The following GIPC1 variants were observed in gnomAD, a reference collection of about 807,000 sequenced individuals.
The protein encoded by GIPC1 is PDZ domain-containing protein GIPC1.
GIPC1 carries 15 observed loss-of-function variants against 28.5 expected under a neutral mutation model. The ratio of observed to expected loss-of-function variants is 0.53; its 90% CI spans 0.35 to 0.81. The LOEUF is 0.81. Among genes scored for constraint, GIPC1 ranks in the 30% least tolerant of loss-of-function variants. The probability of loss-of-function intolerance (pLI) is 0.01; values close to 1 mark genes in which losing one functional copy is unlikely to be tolerated. For synonymous variants in GIPC1, 224 were observed against 206.1 expected (o/e 1.09, Z -0.74); for missense variants, 439 against 481.9 (o/e 0.91, Z 0.83).
At chr19:14,484,214 A>C (rs1205781110) in intron 3 of GIPC1, among the ~76,000 whole-genome samples, 1 of 149,194 alleles carries the variant, frequency 6.7e-6, no homozygotes, top group Non-Finnish European at 1.5e-5. Flanking sequence ...CACTCACTGC[A>C]ATCTCTTGCC....
intron 1 of GIPC1, among the ~76,000 whole-genome samples, chr19:14,494,749 G>A (rs2072041210): frequency 1.3e-5 from 2 of 152,196 alleles, no homozygotes; most frequent in South Asian, 4.2e-4. Context: ...CCTGCTGTGC[G>A]GTTGCCAACT....
chr19:14,488,333 C>T (rs140321767), intron 3 of GIPC1, among the ~76,000 whole-genome samples: 2,117 of 152,058 alleles, frequency 0.014, 33 homozygotes, highest in Non-Finnish European at 0.02. Flanking sequence ...CACCTGTGAT[C>T]CCAGCTACTC....
In GIPC1 at chr19:14,477,799, T is replaced by A. The variant is rs1325729259; in HGVS notation, c.*617A>T. 6.6e-6 allele frequency: 1 copy of A among 152,654 alleles called. No homozygotes were observed. 9.5% of individuals were successfully genotyped at this position (152,654 alleles called of 1,614,324 possible). A position where few individuals can be genotyped will look rare whatever the true frequency, so the allele number is the denominator to read the frequency against. On this transcript the variant is annotated 3_prime_UTR_variant, in exon 9 of 9. Coordinates refer to ENST00000393033, the MANE Select transcript of GIPC1 (RefSeq NM_005716.4). ...ATTCTTTATGTTCAAGACAGCAAAT[T>A]CAGATACAAAAACCCACCGCCATCG...
In GIPC1 at chr19:14,478,428, G is replaced by A. The variant is rs140379269; in HGVS notation, c.990C>T (p.Val330=). The part of the protein sequence containing the change: ...DVWGAIGDAK[V]GRY ...TCCGGGGGCAGTCCTAGTAGCGGCC[G>A]ACCTTGGCGTCCCCAATGGCGCCCC... Residue 330 remains valine (V), a synonymous_variant, in exon 9 of 9, where the codon GTC becomes GTT. Transcript: ENST00000393033. This position sits in a 1 kb window ranked among gnomAD's most constrained non-coding sequence, Gnocchi z 5.2. The A allele has an allele frequency of 1.0e-4, 168 of 1,609,434 alleles. No homozygotes were observed. The African/African-American group carries it at 1.7e-3, about 17-fold the overall frequency.
At chr19:14,491,281 T>C (rs1568368769) in intron 3 of GIPC1, among the ~76,000 whole-genome samples, 1 of 151,692 alleles carries the variant, frequency 6.6e-6, no homozygotes, top group Admixed American at 6.6e-5. Context: ...TTTTTTGAGA[T>C]GAACTCTCAC....
chr19:14,480,285 TC>T lies in GIPC1; in HGVS notation c.655+19del. On this transcript the variant is annotated intron_variant, in intron 6 of 8. Coordinates refer to ENST00000393033, the MANE Select transcript of GIPC1 (RefSeq NM_005716.4). ...CATGCGAGCAGCGCCACTGGGGAGG[TC>T]CAGGGGGCGGCTCCTCACCGAAGGC... The T allele has an allele frequency of 6.2e-7, 1 of 1,602,222 alleles. No individual in the cohort carries two copies. Among genetic ancestry groups the T allele is most frequent in the South Asian group, 1.1e-5 (1 of 90,856 alleles).
chr19:14,483,945 C>T (rs939649854), intron 3 of GIPC1, among the ~76,000 whole-genome samples: 11 of 151,764 alleles, frequency 7.2e-5, no homozygotes, highest in African/African-American at 2.7e-4. Flanking sequence ...GGGATCCTCA[C>T]ACCTCAGTCT....
At position 14,482,886 on chromosome 19, in the gene GIPC1, C is replaced by T; in HGVS notation, c.91G>A (p.Glu31Lys). The T allele has an allele frequency of 6.3e-7, 1 of 1,589,054 alleles. No homozygotes were observed. The highest frequency in any genetic ancestry group is 8.6e-7 in the Non-Finnish European group (1 of 1,168,306). Reference sequence around the variant, plus strand: ...CCACCTCCGCCCAGAGGCCCTGGCTCCCCCACGCCCAGCCCTCCACGGCCT... The same window carrying T: ...CCACCTCCGCCCAGAGGCCCTGGCTTCCCCACGCCCAGCCCTCCACGGCCT... Reference protein sequence around the residue: ...EPGRGGLGVGEPGPLGGGGSG... With the variant: ...EPGRGGLGVGKPGPLGGGGSG... Residue 31 changes from glutamate (E) to lysine (K), a missense_variant, in exon 4 of 9, where the codon GAG becomes AAG. Physicochemically the swap from Glu to Lys is moderately conservative, Grantham distance 56. Coordinates refer to ENST00000393033, the MANE Select transcript of GIPC1 (RefSeq NM_005716.4).
Position 14,480,623 on chromosome 19 carries a change from C to G in GIPC1, c.444G>C (p.Thr148=). The G allele has an allele frequency of 1.2e-6, 2 of 1,614,176 alleles. No individual in the cohort carries two copies. Among genetic ancestry groups the G allele is most frequent in the Non-Finnish European group, 1.7e-6 (2 of 1,180,000 alleles). The change falls in exon 5 of 9, where the codon ACG becomes ACC. Residue 148 remains threonine, a synonymous_variant. Coordinates refer to ENST00000393033, the MANE Select transcript of GIPC1 (RefSeq NM_005716.4). Reference sequence around the variant, plus strand: ...TGAAGGCGTAGCCAGCCCCGTTGTCCGTGATGGTGAGCCCGAGTGCATCCT... The same window carrying G: ...TGAAGGCGTAGCCAGCCCCGTTGTCGGTGATGGTGAGCCCGAGTGCATCCT... ...KSEDALGLTI[T]DNGAGYAFIK...
chr19:14,480,353 G>T lies in GIPC1; in HGVS notation c.607C>A (p.Arg203=). The change falls in exon 6 of 9, where the codon CGA becomes AGA. Residue 203 remains arginine (R), a synonymous_variant. Transcript: ENST00000393033. ...EVARLLKELP[R]GRTFTLKLTE... ...AGCTTCAGCGTGAAGGTACGGCCTC[G>T]GGGCAGCTCCTTGAGCAGCCGGGCC... The T allele has an allele frequency of 6.2e-7, 1 of 1,612,082 alleles. No homozygotes were observed.
chr19:14,495,640 G>C lies in GIPC1; in HGVS notation c.-175+397C>G, dbSNP rs919263105. Among the ~76,000 whole-genome samples the C allele has an allele frequency of 3.0e-4, 45 of 152,088 alleles. 1 individual carries two copies. Among genetic ancestry groups the C allele is most frequent in the African/African-American group, 1.0e-3 (43 of 41,396 alleles). Reference sequence around the variant, plus strand: ...TTTCATGACGATTATTATTCAGACCGTGGTCCTCACTGCGTCCCCCCCAAG... The same window carrying C: ...TTTCATGACGATTATTATTCAGACCCTGGTCCTCACTGCGTCCCCCCCAAG... On this transcript the variant is annotated intron_variant, in intron 1 of 8. Coordinates refer to ENST00000393033, the MANE Select transcript of GIPC1 (RefSeq NM_005716.4).
intron 3 of GIPC1, among the ~76,000 whole-genome samples, chr19:14,484,010 T>C (rs1429814683): frequency 6.6e-6 from 1 of 152,124 alleles, no homozygotes; most frequent in South Asian, 2.1e-4. Flanking sequence ...ACCTTTATTT[T>C]ATTTTTTTGA....
At chr19:14,485,917 C>T (rs2071834552) in intron 3 of GIPC1, among the ~76,000 whole-genome samples, 1 of 151,728 alleles carries the variant, frequency 6.6e-6, no homozygotes, top group Non-Finnish European at 1.5e-5. Context: ...ACTACAAGTG[C>T]CCGCCACCAT....
chr19:14,486,301 G>C (rs1460780231), intron 3 of GIPC1, among the ~76,000 whole-genome samples: 3 of 152,180 alleles, frequency 2.0e-5, no homozygotes, highest in African/African-American at 7.2e-5. Flanking sequence ...TTTCCTCTCA[G>C]CCACAGTCAC....
chr19:14,482,909 C>T lies in GIPC1; in HGVS notation c.68G>A (p.Gly23Asp), dbSNP rs12608574. ...CTCCCCCACGCCCAGCCCTCCACGG[C>T]CTGGCTCAGCCTCCTCATTTTCCAC... ...PLVENEEAEP[G>D]RGGLGVGEPG... Residue 23 changes from glycine (G) to aspartate (D), a missense_variant, in exon 4 of 9, where the codon GGC becomes GAC. Physicochemically the swap from Gly to Asp is moderately conservative, Grantham distance 94. Coordinates refer to ENST00000393033, the MANE Select transcript of GIPC1 (RefSeq NM_005716.4). 6.2e-7 allele frequency: 1 copy of T among 1,605,826 alleles called. No individual in the cohort carries two copies. The highest frequency in any genetic ancestry group is 8.5e-7 in the Non-Finnish European group (1 of 1,176,932).
chr19:14,488,456 A>C (rs540602038), intron 3 of GIPC1, among the ~76,000 whole-genome samples: 3 of 151,314 alleles, frequency 2.0e-5, no homozygotes, highest in African/African-American at 7.3e-5. Flanking sequence ...ATCTCAAAAA[A>C]ACAAAGAAAA....
At chr19:14,485,690 T>TATAC (rs1667327608) in intron 3 of GIPC1, among the ~76,000 whole-genome samples, 1 of 64,764 alleles carries the variant, frequency 1.5e-5, no homozygotes, top group Admixed American at 1.8e-4. Context: ...AACAAATATA[T>TATAC]ATATATATAT....
Position 14,480,668 on chromosome 19 carries a change from C to A in GIPC1, c.399G>T (p.Glu133Asp). 1 of 1,614,220 alleles carries A rather than the reference C, an allele frequency of 6.2e-7. No homozygotes were observed. Among genetic ancestry groups the A allele is most frequent in the Non-Finnish European group, 8.5e-7 (1 of 1,180,024 alleles). Residue 133 changes from glutamate to aspartate, a missense_variant, in exon 5 of 9, where the codon GAG (glutamate) becomes GAT (aspartate). Coordinates refer to ENST00000393033, the MANE Select transcript of GIPC1 (RefSeq NM_005716.4). ...CATCCTCCGACTTGAACACCTCCAC[C>A]TCCTTGCGCTGCCCCTTCACGTGGG... is the stretch of plus-strand genomic sequence containing the variant. ...IFAHVKGQRKEVEVFKSEDAL... is the reference protein window; with the variant it reads ...IFAHVKGQRKDVEVFKSEDAL...
intron 4 of GIPC1, chr19:14,482,379 T>C: frequency 2.0e-6 from 1 of 495,744 alleles, no homozygotes; most frequent in East Asian, 3.9e-5. Flanking sequence ...TCCTAATGCC[T>C]GATGGGATGT....
Sources: gnomAD v4.1 joint callset for allele counts (sites outside exome capture counted in the v4.1 genomes callset) on GRCh38, gnomAD v4.1.1 for gene constraint, Gnocchi (gnomAD v3.1) non-coding constraint, MANE v1.5 for transcripts, NCBI Gene and HGNC (gene_info 2026-07-23, HGNC 2026-07-21) for gene names.